STAB2: variants seen among roughly 807,000 people sequenced by gnomAD.
STAB2 encodes stabilin-2.
A neutral mutation model predicts 338.1 loss-of-function variants in STAB2; 288 were observed. The ratio of observed to expected loss-of-function variants is 0.85; its 90% CI spans 0.77 to 0.94. The LOEUF is 0.94. Ranked by LOEUF, STAB2 falls within the 40% of genes least tolerant of loss-of-function variation. STAB2 has a pLI of 0.00. For missense variants in STAB2, 3,141 were observed against 3,210.1 expected, an observed-to-expected ratio of 0.98 and a Z score of 0.52; for synonymous variants, 1,202 against 1,193.3, an observed-to-expected ratio of 1.01 and a Z score of -0.15.
chr12:103,721,680 G>T (rs1880776943), intron 44 of STAB2, among the ~76,000 whole-genome samples: 1 of 152,208 alleles, frequency 6.6e-6, no homozygotes, highest in African/African-American at 2.4e-5. Context: ...AGCTATAGCA[G>T]TGGGTGTAAT....
At chr12:103,683,139 G>T (rs1877076143) in intron 25 of STAB2, 66 bp from the exon 26 acceptor site, 1 of 1,426,342 alleles carries the variant, frequency 7.0e-7, no homozygotes. Context: ...TCAGTGCTGT[G>T]TGAGGGAAAG....
At chr12:103,694,010 G>T (rs1593244905) in intron 31 of STAB2, among the ~76,000 whole-genome samples, 1 of 150,880 alleles carries the variant, frequency 6.6e-6, no homozygotes, top group East Asian at 1.9e-4. Context: ...AAAAGTACAA[G>T]ATGGCTGTTA....
At chr12:103,727,590 G>C (rs1010841448) in intron 47 of STAB2, among the ~76,000 whole-genome samples, 26 of 152,254 alleles carry the variant, frequency 1.7e-4, no homozygotes, top group Non-Finnish European at 1.5e-4. Context: ...AACAAAGTAT[G>C]AGGTTGGAGA....
At position 103,740,855 on chromosome 12, in the gene STAB2, G is replaced by A. The variant is rs374548657; in HGVS notation, c.5881+99G>A. ...GTACCAAAATTATAGGGGGATGGGG[G>A]AAACACTGCTAATAATGATTCCCAG... is the stretch of plus-strand genomic sequence containing the variant. On this transcript the variant is annotated intron_variant, in intron 55 of 68. Transcript: ENST00000388887. 318 of 1,425,266 alleles carry A rather than the reference G, an allele frequency of 2.2e-4. 4 individuals carry two copies. In the South Asian group the frequency reaches 3.8e-3, roughly 17 times the overall value. The allele number at this position is 1,425,266 out of a possible 1,614,324, so 88.3% of individuals were successfully genotyped here. A position where few individuals can be genotyped will look rare whatever the true frequency, so the allele number is the denominator to read the frequency against.
In STAB2 at chr12:103,749,162, T is replaced by C; in HGVS notation, c.6438+6T>C. 1 of 1,588,996 alleles carries C rather than the reference T, an allele frequency of 6.3e-7. No homozygotes were observed. ...CCTGTAAGATGACAGGCCCGGTGAG[T>C]CGCTCTTTCCCAGGGAAATTTGGGA... On this transcript the variant is annotated splice_donor_region_variant and intron_variant, in intron 59 of 68. Coordinates refer to ENST00000388887, the MANE Select transcript of STAB2 (RefSeq NM_017564.10).
chr12:103,693,009 A>G (rs376290159), intron 31 of STAB2, 120 bp downstream of exon 31: 1 of 639,226 alleles, frequency 1.6e-6, no homozygotes. Flanking sequence ...AGTAACCGGT[A>G]CTGTGCCTCA....
At chr12:103,704,739 A>G (rs1879190418) in intron 36 of STAB2, 125 bp downstream of exon 36, 2 of 827,086 alleles carry the variant, frequency 2.4e-6, no homozygotes, top group Non-Finnish European at 3.7e-6. Flanking sequence ...ATTACACTTT[A>G]CCTCGTTATA....
At chr12:103,762,690 C>A (rs1373086045) in intron 67 of STAB2, among the ~76,000 whole-genome samples, 3 of 152,192 alleles carry the variant, frequency 2.0e-5, no homozygotes, top group Non-Finnish European at 4.4e-5. Context: ...CCTGGAGGCA[C>A]ATTCACTAGG....
intron 21 of STAB2, 39 bp downstream of exon 21, chr12:103,669,666 A>G (rs750227095): frequency 6.3e-7 from 1 of 1,580,154 alleles, no homozygotes; most frequent in South Asian, 1.1e-5. Context: ...GTCAAATCAA[A>G]CAATAATTTT....
At chr12:103,685,455 CGCGT>C (rs1162901911) in intron 27 of STAB2, among the ~76,000 whole-genome samples, 4 of 132,058 alleles carry the variant, frequency 3.0e-5, no homozygotes, top group Middle Eastern at 3.8e-3. Flanking sequence ...TGTGTGTGTG[CGCGT>C]GCGTGTGTGT....
chr12:103,692,764 G>C (rs1253159896), intron 30 of STAB2, 48 bp from the exon 31 acceptor site: 5 of 1,505,682 alleles, frequency 3.3e-6, no homozygotes, highest in Non-Finnish European at 4.6e-6. Context: ...TCAATCCCAA[G>C]GTGCGCTCTA....
At chr12:103,690,300 A>T (rs988648979) in intron 29 of STAB2, 124 bp from the exon 30 acceptor site, 2 of 852,654 alleles carry the variant, frequency 2.3e-6, no homozygotes, top group Non-Finnish European at 3.6e-6. Flanking sequence ...AAGGCTGGTA[A>T]CTGCAGGGGG....
At chr12:103,625,288 A>T (rs553511165) in intron 5 of STAB2, among the ~76,000 whole-genome samples, 29 of 152,234 alleles carry the variant, frequency 1.9e-4, no homozygotes, top group Non-Finnish European at 2.6e-4. Context: ...TTCCAAATAA[A>T]GGAAGTATCC....
intron 30 of STAB2, among the ~76,000 whole-genome samples, chr12:103,692,316 C>G (rs1161459098): frequency 6.6e-6 from 1 of 152,144 alleles, no homozygotes; most frequent in Non-Finnish European, 1.5e-5. Flanking sequence ...TTAACTTGAT[C>G]ATCTCTGTGA....
rs35682147 is a variant in STAB2, at chr12:103,599,588, ATAAC to A, written c.331+5086_331+5089del. On this transcript the variant is annotated intron_variant, in intron 3 of 68. Transcript: ENST00000388887. ...GCACCCAGTTCTATTTGAATTTCAG[ATAAC>A]TAACTAATCTGCAAACAATATTAGG... Among the ~76,000 whole-genome samples the A allele has an allele frequency of 5.4e-3, 825 of 152,338 alleles. 6 individuals are homozygous for A. Among genetic ancestry groups the A allele is most frequent in the Non-Finnish European group, 4.9e-3 (333 of 68,038 alleles).
intron 9 of STAB2, among the ~76,000 whole-genome samples, chr12:103,646,132 C>A (rs1377312672): frequency 6.6e-6 from 1 of 152,126 alleles, no homozygotes; most frequent in African/African-American, 2.4e-5. Flanking sequence ...GAGATCACGC[C>A]ATTGCACTCC....
At position 103,746,658 on chromosome 12, in the gene STAB2, G is replaced by A. The variant is rs201428610; in HGVS notation, c.6198G>A (p.Thr2066=). Residue 2066 remains threonine (T), a synonymous_variant, in exon 58 of 69, where the codon ACG becomes ACA. Transcript: ENST00000388887. Reference sequence around the variant, plus strand: ...ATGCCACCTGTAAGGAGAACAACACGTGTGAGTGTAACCTGGATTATGAAG... The same window carrying A: ...ATGCCACCTGTAAGGAGAACAACACATGTGAGTGTAACCTGGATTATGAAG... ...SAHATCKENN[T]CECNLDYEGD... 59 of 1,614,098 alleles carry A rather than the reference G, an allele frequency of 3.7e-5. No homozygotes were observed. The highest frequency in any genetic ancestry group is 2.3e-4 in the South Asian group (21 of 91,084).
chr12:103,695,945 T>C, intron 33 of STAB2, 101 bp downstream of exon 33: 1 of 1,113,734 alleles, frequency 9.0e-7, no homozygotes, highest in Admixed American at 1.9e-5. Context: ...CCTTCATCCT[T>C]GTCCATAGCC....
chr12:103,755,239 A>G, intron 61 of STAB2, 63 bp from the exon 62 acceptor site: 1 of 1,584,356 alleles, frequency 6.3e-7, no homozygotes, highest in Non-Finnish European at 8.6e-7. Context: ...TCAGACATTA[A>G]CCAAGTGATG....
Sources: allele counts gnomAD v4.1 joint callset (sites outside exome capture counted in the v4.1 genomes callset), GRCh38; gene constraint gnomAD v4.1.1; transcripts MANE v1.5; gene names NCBI Gene and HGNC (gene_info 2026-07-23, HGNC 2026-07-21).